ABLIM1: variants seen among roughly 807,000 people sequenced by gnomAD.
ABLIM1 encodes the protein actin-binding LIM protein 1.
ABLIM1 carries 40 observed loss-of-function variants against 107.0 expected under a neutral mutation model. The observed-to-expected ratio is 0.37, with a 90% CI of 0.29 to 0.49. The LOEUF is 0.49. Ranked by LOEUF, ABLIM1 falls within the 20% of genes least tolerant of loss-of-function variation. ABLIM1 has a pLI of 0.97. For synonymous variants in ABLIM1, 357 were observed against 357.3 expected (o/e 1.00, Z 0.01); for missense variants, 857 against 1,008.5 (o/e 0.85, Z 2.04).
chr10:114,715,107 T>A (rs188447905), intron 1 of ABLIM1, among the ~76,000 whole-genome samples: 6 of 152,332 alleles, frequency 3.9e-5, no homozygotes, highest in Non-Finnish European at 8.8e-5. Context: ...TCATTTTTAA[T>A]ATAATATTAT....
At chr10:114,453,294 C>A in intron 13 of ABLIM1, 85 bp downstream of exon 13, 1 of 1,403,428 alleles carries the variant, frequency 7.1e-7, no homozygotes. Flanking sequence ...ATTAAAAGAG[C>A]ATGAGAGATG....
intron 12 of ABLIM1, 179 bp downstream of exon 12, chr10:114,465,519 C>A (rs1382546509): frequency 1.6e-6 from 1 of 618,744 alleles, no homozygotes; most frequent in African/African-American, 1.9e-5. Flanking sequence ...CTTAGGATGA[C>A]TGATGTTTCA....
the ABLIM1 span, among the ~76,000 whole-genome samples, chr10:114,774,122 G>C: frequency 6.6e-6 from 1 of 152,086 alleles, no homozygotes; most frequent in Admixed American, 6.6e-5. Flanking sequence ...AGTTAGAAGA[G>C]AGATTTAAAT....
chr10:114,633,233 G>A (rs1272044222), intron 1 of ABLIM1, among the ~76,000 whole-genome samples: 1 of 152,180 alleles, frequency 6.6e-6, no homozygotes, highest in East Asian at 1.9e-4. Context: ...GAACCGAAAG[G>A]AATGAAGTCA....
chr10:114,768,725 C>T (rs1395587691), upstream of ABLIM1, among the ~76,000 whole-genome samples: 1 of 151,330 alleles, frequency 6.6e-6, no homozygotes, highest in Non-Finnish European at 1.5e-5. Context: ...GTCAGGGTCC[C>T]CCCACCCAGC....
chr10:114,641,820 T>A (rs2078767153), intron 1 of ABLIM1, among the ~76,000 whole-genome samples: 1 of 152,112 alleles, frequency 6.6e-6, no homozygotes, highest in South Asian at 2.1e-4. Flanking sequence ...ATGAAGTTAG[T>A]GAGGTGGAGG....
upstream of ABLIM1, among the ~76,000 whole-genome samples, chr10:114,770,383 C>T (rs918639931): frequency 1.3e-5 from 2 of 152,164 alleles, no homozygotes; most frequent in Non-Finnish European, 2.9e-5. Flanking sequence ...TCCTACCTTG[C>T]CAGTGCCATC....
chr10:114,798,556 AC>A, the ABLIM1 span, among the ~76,000 whole-genome samples: 125 of 125,986 alleles, frequency 9.9e-4, 1 homozygote, highest in East Asian at 3.5e-3. Context: ...AGATGATGAG[AC>A]CCCCCCCCCA....
intron 6 of ABLIM1, among the ~76,000 whole-genome samples, chr10:114,497,112 G>A (rs2059763961): frequency 6.6e-6 from 1 of 152,224 alleles, no homozygotes; most frequent in Admixed American, 6.5e-5. Context: ...CAAAATGAAA[G>A]ACTAAATAGC....
intron 2 of ABLIM1, among the ~76,000 whole-genome samples, chr10:114,580,954 TC>T (rs1197244629): frequency 6.6e-6 from 1 of 152,220 alleles, no homozygotes; most frequent in African/African-American, 2.4e-5. Context: ...TTAATTGCTT[TC>T]TTCTGATCAA....
chr10:114,742,754 C>A (rs1240821077), intron 1 of ABLIM1, among the ~76,000 whole-genome samples: 1 of 152,094 alleles, frequency 6.6e-6, no homozygotes, highest in Admixed American at 6.5e-5. Flanking sequence ...CCTCGAGAAA[C>A]CCTGTCTCTA....
At chr10:114,601,648 G>A in intron 2 of ABLIM1, 179 bp downstream of exon 2, 1 of 992,350 alleles carries the variant, frequency 1.0e-6, no homozygotes, top group Non-Finnish European at 1.6e-6. Flanking sequence ...GGTTTTAGCA[G>A]GACTCGTTCT....
intron 1 of ABLIM1, among the ~76,000 whole-genome samples, chr10:114,765,304 C>CAA (rs1387230547): frequency 1.3e-5 from 2 of 151,868 alleles, no homozygotes; most frequent in African/African-American, 4.8e-5. Flanking sequence ...CTCAGCCTCC[C>CAA]AAAGTGACAG....
At chr10:114,622,808 T>A (rs1026544125) in intron 1 of ABLIM1, among the ~76,000 whole-genome samples, 1 of 152,130 alleles carries the variant, frequency 6.6e-6, no homozygotes, top group African/African-American at 2.4e-5. Context: ...ATAAAGGCCT[T>A]TATGATGATC....
At chr10:114,495,503 T>C (rs2059550716) in intron 6 of ABLIM1, among the ~76,000 whole-genome samples, 1 of 151,870 alleles carries the variant, frequency 6.6e-6, no homozygotes. Context: ...ATAGTAGTGG[T>C]GATAATGGTG....
At chr10:114,564,099 G>A (rs1380859413) in intron 4 of ABLIM1, among the ~76,000 whole-genome samples, 1 of 151,302 alleles carries the variant, frequency 6.6e-6, no homozygotes, top group Non-Finnish European at 1.5e-5. Context: ...CTAGAACATT[G>A]TTTTCATCTG....
At chr10:114,541,602 C>T (rs1426894457) in intron 6 of ABLIM1, among the ~76,000 whole-genome samples, 1 of 152,206 alleles carries the variant, frequency 6.6e-6, no homozygotes, top group African/African-American at 2.4e-5. Flanking sequence ...ACACGCCCAT[C>T]TAAGGACTAC....
intron 1 of ABLIM1, among the ~76,000 whole-genome samples, chr10:114,644,108 C>T (rs1257684272): frequency 2.3e-4 from 34 of 149,724 alleles, no homozygotes; most frequent in African/African-American, 8.1e-4. Context: ...GGTGAAACCC[C>T]GTCTCTACTA....
chr10:114,702,593 C>G (rs982688334), intron 1 of ABLIM1, among the ~76,000 whole-genome samples: 1 of 144,586 alleles, frequency 6.9e-6, no homozygotes, highest in African/African-American at 2.6e-5. Context: ...GTGGCGCGAT[C>G]TCGGCTCACT....
Sources: allele counts gnomAD v4.1 joint callset (sites outside exome capture counted in the v4.1 genomes callset), GRCh38; gene constraint gnomAD v4.1.1; transcripts MANE v1.5; gene names NCBI Gene and HGNC (gene_info 2026-07-23, HGNC 2026-07-21).